Variants in CATSPERT observed in about 807,000 individuals in gnomAD.
The protein encoded by CATSPERT is cation channel sperm-associated targeting subunit tau.
the CATSPERT span, among the ~76,000 whole-genome samples, chr2:201,611,517 T>A: frequency 1.3e-5 from 2 of 151,762 alleles, no homozygotes; most frequent in Admixed American, 1.3e-4. Context: ...AAAAAGAAGA[T>A]CTCAAATAAA....
At chr2:201,612,113 C>G in the CATSPERT span, among the ~76,000 whole-genome samples, 1 of 152,294 alleles carries the variant, frequency 6.6e-6, no homozygotes, top group East Asian at 1.9e-4. Flanking sequence ...CTGTGCTAAG[C>G]ACTTTATATC....
chr2:201,604,807 G>A, the CATSPERT span: 10 of 677,950 alleles, frequency 1.5e-5, no homozygotes, highest in Non-Finnish European at 2.1e-5. Flanking sequence ...GGTCTCCTCG[G>A]TATTGGGGTA....
chr2:201,499,510 C>T, the CATSPERT span, among the ~76,000 whole-genome samples: 1 of 152,072 alleles, frequency 6.6e-6, no homozygotes, highest in African/African-American at 2.4e-5. Flanking sequence ...ACTAATCCAG[C>T]ATTAAGTCCT....
chr2:201,546,467 T>C, the CATSPERT span, among the ~76,000 whole-genome samples: 4 of 152,176 alleles, frequency 2.6e-5, no homozygotes, highest in African/African-American at 9.7e-5. Context: ...AATTTTAAAA[T>C]TGGCAAAGGA....
chr2:201,605,755 T>C, the CATSPERT span, among the ~76,000 whole-genome samples: 1 of 152,176 alleles, frequency 6.6e-6, no homozygotes, highest in South Asian at 2.1e-4. Context: ...GATTTCAAAC[T>C]GAATTAAGTA....
At chr2:201,491,839 T>C in the CATSPERT span, 1 of 1,537,024 alleles carries the variant, frequency 6.5e-7, no homozygotes, top group Non-Finnish European at 8.7e-7. Flanking sequence ...ACTATATGGG[T>C]CTTGAATCTC....
the CATSPERT span, chr2:201,582,231 T>A: frequency 6.3e-7 from 1 of 1,578,054 alleles, no homozygotes; most frequent in Non-Finnish European, 8.6e-7. Flanking sequence ...AATATCAAAA[T>A]ATATAAGAAA....
the CATSPERT span, among the ~76,000 whole-genome samples, chr2:201,495,153 G>A: frequency 1.3e-5 from 2 of 151,470 alleles, no homozygotes; most frequent in Non-Finnish European, 2.9e-5. Context: ...AGCAATGTAG[G>A]AAATTTTTTT....
chr2:201,545,628 G>GAA, the CATSPERT span: 1 of 175,852 alleles, frequency 5.7e-6, no homozygotes, highest in Non-Finnish European at 8.7e-6. Context: ...TTTCCTAGAA[G>GAA]CAAAAAAAAA....
chr2:201,540,008 T>C, the CATSPERT span, among the ~76,000 whole-genome samples: 977 of 152,116 alleles, frequency 6.4e-3, 11 homozygotes, highest in African/African-American at 0.023. Flanking sequence ...ATTGCAGATA[T>C]GGAGAAAATT....
chr2:201,572,157 G>A, the CATSPERT span: 3 of 544,844 alleles, frequency 5.5e-6, no homozygotes, highest in Non-Finnish European at 6.4e-6. Flanking sequence ...AGACATGTAA[G>A]GAAATAAGGA....
At chr2:201,513,889 TAC>T in the CATSPERT span, among the ~76,000 whole-genome samples, 1 of 152,186 alleles carries the variant, frequency 6.6e-6, no homozygotes, top group African/African-American at 2.4e-5. Context: ...AGAATTAAAT[TAC>T]AGTCATTTCT....
At chr2:201,566,126 T>C in the CATSPERT span, among the ~76,000 whole-genome samples, 5 of 152,152 alleles carry the variant, frequency 3.3e-5, no homozygotes, top group Admixed American at 6.5e-5. Context: ...CCTCAAGTTC[T>C]AATGAGAAGT....
At chr2:201,601,825 A>C in the CATSPERT span, 2 of 1,610,558 alleles carry the variant, frequency 1.2e-6, no homozygotes, top group Non-Finnish European at 8.5e-7. Context: ...ATTTTTGTAC[A>C]TTTCACAGCT....
the CATSPERT span, among the ~76,000 whole-genome samples, chr2:201,506,819 T>C: frequency 7.9e-5 from 12 of 152,298 alleles, no homozygotes; most frequent in South Asian, 2.5e-3. Flanking sequence ...TCCCAAAGTT[T>C]AGGGATTACA....
the CATSPERT span, among the ~76,000 whole-genome samples, chr2:201,546,774 T>A: frequency 7.7e-4 from 118 of 152,262 alleles, no homozygotes; most frequent in African/African-American, 2.7e-3. Flanking sequence ...TACTCCTTTA[T>A]ATATACCCCA....
chr2:201,494,274 T>C, the CATSPERT span: 1 of 1,537,054 alleles, frequency 6.5e-7, no homozygotes, highest in Non-Finnish European at 8.7e-7. Flanking sequence ...TAGAAAATAA[T>C]TTGTCTGAAA....
the CATSPERT span, among the ~76,000 whole-genome samples, chr2:201,595,769 CT>C: frequency 6.6e-6 from 1 of 152,136 alleles, no homozygotes; most frequent in Non-Finnish European, 1.5e-5. Context: ...CAAACGGATA[CT>C]TTTCAAAAGA....
chr2:201,529,880 T>C, the CATSPERT span, among the ~76,000 whole-genome samples: 1 of 151,962 alleles, frequency 6.6e-6, no homozygotes, highest in Non-Finnish European at 1.5e-5. Flanking sequence ...ATATTCAAAA[T>C]ATATAAGGTA....
Sources: allele counts gnomAD v4.1 joint callset (sites outside exome capture counted in the v4.1 genomes callset), GRCh38; gene constraint gnomAD v4.1.1; transcripts MANE v1.5; gene names NCBI Gene and HGNC (gene_info 2026-07-23, HGNC 2026-07-21).